The following DOCK4 variants were observed in gnomAD, a reference collection of about 807,000 sequenced individuals.
DOCK4 encodes dedicator of cytokinesis protein 4.
Under a neutral mutation model 268.1 loss-of-function variants are expected in DOCK4, and 97 were observed. That is an observed-to-expected ratio of 0.36 (90% CI 0.31 to 0.43). The LOEUF is 0.43. Ranked by LOEUF, DOCK4 falls within the 20% of genes least tolerant of loss-of-function variation. DOCK4 has a pLI of 1.00. For missense variants in DOCK4, 2,145 were observed against 2,455.7 expected (o/e 0.87, Z 2.67); for synonymous variants, 954 against 887.2 (o/e 1.08, Z -1.34).
At chr7:111,816,236 T>C (rs904354616) in intron 27 of DOCK4, among the ~76,000 whole-genome samples, 5 of 152,126 alleles carry the variant, frequency 3.3e-5, no homozygotes, top group Non-Finnish European at 2.9e-5. Context: ...AAAAATCATA[T>C]ATGGACTGAG....
chr7:112,010,429 A>G (rs2135355212), intron 1 of DOCK4, among the ~76,000 whole-genome samples: 1 of 152,272 alleles, frequency 6.6e-6, no homozygotes, highest in Admixed American at 6.5e-5. Flanking sequence ...TGAAGTTAGG[A>G]GCAAGCTGGT....
intron 16 of DOCK4, among the ~76,000 whole-genome samples, chr7:111,894,472 T>TCC (rs1808572010): frequency 1.3e-5 from 2 of 152,030 alleles, no homozygotes; most frequent in East Asian, 3.9e-4. Context: ...TGGTAAGAGA[T>TCC]GTGTGCAGAT....
At chr7:111,877,702 A>T (rs1002321606) in intron 16 of DOCK4, among the ~76,000 whole-genome samples, 1 of 152,244 alleles carries the variant, frequency 6.6e-6, no homozygotes, top group Non-Finnish European at 1.5e-5. Flanking sequence ...GAGTCCTACT[A>T]TGTGAGGGAA....
chr7:112,112,570 G>C (rs575534887), intron 1 of DOCK4, among the ~76,000 whole-genome samples: 2 of 152,164 alleles, frequency 1.3e-5, no homozygotes, highest in Non-Finnish European at 2.9e-5. Context: ...CTGGAACCCA[G>C]GAGGTGAAGG....
intron 47 of DOCK4, among the ~76,000 whole-genome samples, chr7:111,740,729 TAAAAAAAAA>T (rs59019816): frequency 5.5e-4 from 9 of 16,486 alleles, no homozygotes; most frequent in East Asian, 6.0e-3. Context: ...TGAGACTCGC[TAAAAAAAAA>T]AAAAAAAAAA....
At chr7:111,927,272 A>G (rs1793796766) in intron 12 of DOCK4, among the ~76,000 whole-genome samples, 1 of 152,186 alleles carries the variant, frequency 6.6e-6, no homozygotes, top group South Asian at 2.1e-4. Flanking sequence ...CTAAATTTCA[A>G]AGCTTTGGGA....
chr7:111,917,125 C>T (rs1175349375), intron 12 of DOCK4, among the ~76,000 whole-genome samples: 2 of 151,350 alleles, frequency 1.3e-5, no homozygotes, highest in Non-Finnish European at 1.5e-5. Context: ...GTAGCTGGGA[C>T]TACAGGCGTC....
chr7:111,895,317 T>C (rs765138076), intron 16 of DOCK4, among the ~76,000 whole-genome samples: 2 of 152,178 alleles, frequency 1.3e-5, no homozygotes, highest in Non-Finnish European at 1.5e-5. Flanking sequence ...TAAAAAGTTA[T>C]TTGTAAGGTT....
At chr7:112,085,259 C>G (rs1195039507) in intron 1 of DOCK4, among the ~76,000 whole-genome samples, 3 of 152,058 alleles carry the variant, frequency 2.0e-5, no homozygotes, top group Non-Finnish European at 4.4e-5. Context: ...TTCAAATTAT[C>G]TTTCATAAAC....
At position 111,747,444 on chromosome 7, in the gene DOCK4, C is replaced by G. The variant is rs1261124589; in HGVS notation, c.4417-1G>C. On this transcript the variant is annotated splice_acceptor_variant, in intron 42 of 52. Transcript: ENST00000428084. LOFTEE classifies it high-confidence loss of function. ...CATTTTCCAGAGGACTCATTTCTAC[C>G]TGAGAAGCAAATGAACATAAATATA... The G allele has an allele frequency of 1.3e-6, 2 of 1,588,586 alleles. No homozygotes were observed. The highest frequency in any genetic ancestry group is 1.7e-6 in the Non-Finnish European group (2 of 1,167,756).
intron 1 of DOCK4, among the ~76,000 whole-genome samples, chr7:112,051,469 C>T (rs10270243): frequency 0.91 from 138,223 of 152,100 alleles, 63,080 homozygotes; most frequent in East Asian, 1. Flanking sequence ...CTTCTTTTAT[C>T]GAAAAGAAGA....
Position 111,877,187 on chromosome 7 carries a change from C to T in DOCK4, c.1588-1G>A. ...CCTGAAGATTTGTGTTTTCTTCACA[C>T]TGTTAAAAATATTTAAAAAAACATA... On this transcript the variant is annotated splice_acceptor_variant, in intron 16 of 52. Coordinates refer to ENST00000428084, the MANE Select transcript of DOCK4 (RefSeq NM_001363540.2). LOFTEE classifies it high-confidence loss of function. 6.8e-7 allele frequency: 1 copy of T among 1,476,492 alleles called. No homozygotes were observed. The highest frequency in any genetic ancestry group is 9.0e-7 in the Non-Finnish European group (1 of 1,110,272). 91.5% of individuals were successfully genotyped at this position (1,476,492 alleles called of 1,614,324 possible).
chr7:111,835,762 G>T (rs558169637), intron 25 of DOCK4, among the ~76,000 whole-genome samples: 10 of 152,110 alleles, frequency 6.6e-5, no homozygotes, highest in Non-Finnish European at 1.3e-4. Flanking sequence ...CCTGAGAAGG[G>T]AATTTTTCAA....
At chr7:112,119,691 G>A (rs1250359177) in intron 1 of DOCK4, among the ~76,000 whole-genome samples, 3 of 152,104 alleles carry the variant, frequency 2.0e-5, no homozygotes, top group African/African-American at 4.8e-5. Context: ...CCCTTCTGTG[G>A]CCTTGGGGAA....
At position 111,823,204 on chromosome 7, in the gene DOCK4, C is replaced by CTTT. The variant is rs917904625; in HGVS notation, c.2836-751_2836-749dup. 7.6e-3 allele frequency among the ~76,000 whole-genome samples: 881 copies of CTTT among 116,244 alleles called. 30 individuals carry two copies. Among genetic ancestry groups the CTTT allele is most frequent in the South Asian group, 0.032 (116 of 3,644 alleles). 76.3% of individuals were successfully genotyped at this position (116,244 alleles called of 152,430 possible). On this transcript the variant is annotated intron_variant, in intron 26 of 52. Transcript: ENST00000428084. ...GCTATCATCAGACATGGAAATATTA[C>CTTT]TTTTTTTTTTTTTTTTTTTTTTAGA...
chr7:112,164,210 G>A (rs1402575306), intron 1 of DOCK4, among the ~76,000 whole-genome samples: 1 of 152,024 alleles, frequency 6.6e-6, no homozygotes, highest in African/African-American at 2.4e-5. Flanking sequence ...GTTTGAAGGT[G>A]TAGTGAGCTA....
intron 10 of DOCK4, among the ~76,000 whole-genome samples, chr7:111,941,942 G>A (rs951584412): frequency 6.6e-6 from 1 of 152,208 alleles, no homozygotes; most frequent in African/African-American, 2.4e-5. Context: ...CCTGACTCAT[G>A]TCTTCAAACA....
chr7:111,987,744 G>A (rs548567441), intron 6 of DOCK4, among the ~76,000 whole-genome samples: 20 of 152,286 alleles, frequency 1.3e-4, no homozygotes, highest in African/African-American at 4.3e-4. Flanking sequence ...ACATGAAGAG[G>A]GTTAAGGAAT....
chr7:112,160,109 G>A (rs1563143544), intron 1 of DOCK4, among the ~76,000 whole-genome samples: 1 of 152,020 alleles, frequency 6.6e-6, no homozygotes, highest in African/African-American at 2.4e-5. Context: ...CTGGTCCCAA[G>A]CATTTCAGAT....
Sources: gnomAD v4.1 joint callset for allele counts (sites outside exome capture counted in the v4.1 genomes callset) on GRCh38, gnomAD v4.1.1 for gene constraint, MANE v1.5 for transcripts, NCBI Gene and HGNC (gene_info 2026-07-23, HGNC 2026-07-21) for gene names.